The following EPHA1 variants were observed in gnomAD, a reference collection of about 807,000 sequenced individuals.
EPHA1 encodes ephrin type-A receptor 1.
In EPHA1, 92 loss-of-function variants were observed where a neutral mutation model predicts 110.1. That is an observed-to-expected ratio of 0.84 (90% CI 0.71 to 0.99). The LOEUF is 0.99. EPHA1 is among the 50% of genes least tolerant of loss of function. EPHA1 has a pLI of 0.00. For synonymous variants in EPHA1, 500 were observed against 516.1 expected, an observed-to-expected ratio of 0.97 and a Z score of 0.42; for missense variants, 1,204 against 1,285.4, an observed-to-expected ratio of 0.94 and a Z score of 0.97.
intron 2 of EPHA1, among the ~76,000 whole-genome samples, chr7:143,403,932 C>G (rs937641515): frequency 6.6e-6 from 1 of 152,268 alleles, no homozygotes; most frequent in South Asian, 2.1e-4. Context: ...ATTATAGACA[C>G]GAATCATTTC....
rs778674067 is a variant in EPHA1, at chr7:143,395,021, C to G, written c.2146-7G>C. 1.2e-6 allele frequency: 2 copies of G among 1,613,934 alleles called. No homozygotes were observed. Among genetic ancestry groups the G allele is most frequent in the Non-Finnish European group, 1.7e-6 (2 of 1,180,020 alleles). On this transcript the variant is annotated splice_region_variant and splice_polypyrimidine_tract_variant and intron_variant, in intron 13 of 17. Transcript: ENST00000275815. This position sits in a 1 kb window ranked among gnomAD's most constrained non-coding sequence, Gnocchi z 4.7. ...CCAGCTGGTCCTCCCGCTCCTGCAGCAGGGTGAGTGGGTGAGTCAGGGGAT... is the reference window on the plus strand; with the variant it reads ...CCAGCTGGTCCTCCCGCTCCTGCAGGAGGGTGAGTGGGTGAGTCAGGGGAT...
chr7:143,399,064 G>A, intron 5 of EPHA1, 119 bp from the exon 6 acceptor site: 1 of 1,233,310 alleles, frequency 8.1e-7, no homozygotes, highest in South Asian at 1.5e-5. Flanking sequence ...GGGGAGATTT[G>A]ATTTCTACTG....
chr7:143,391,894 CTG>C (rs1371264554), intron 16 of EPHA1, 119 bp from the exon 17 acceptor site: 4 of 1,495,078 alleles, frequency 2.7e-6, no homozygotes, highest in Non-Finnish European at 3.6e-6. Context: ...ATCATCTAGA[CTG>C]TGGATTGACC....
Position 143,393,945 on chromosome 7 carries a change from A to G in EPHA1, c.2503-81T>C. On this transcript the variant is annotated intron_variant, in intron 15 of 17. Coordinates refer to ENST00000275815, the MANE Select transcript of EPHA1 (RefSeq NM_005232.5). This position sits in a 1 kb window ranked among gnomAD's most constrained non-coding sequence, Gnocchi z 5.6. The stretch of plus-strand genomic sequence containing the variant: ...GAGAAACCGACGGTCACACAAGATA[A>G]TTGCAGTGGAGATCCTAGGATGGGA... 1.4e-6 allele frequency: 2 copies of G among 1,446,812 alleles called. No individual in the cohort carries two copies. Among genetic ancestry groups the G allele is most frequent in the Non-Finnish European group, 9.3e-7 (1 of 1,077,428 alleles). 89.6% of individuals were successfully genotyped at this position (1,446,812 alleles called of 1,614,324 possible). A position where few individuals can be genotyped will look rare whatever the true frequency, so the allele number is the denominator to read the frequency against.
In EPHA1 at chr7:143,397,288, G is replaced by T; in HGVS notation, c.1771+16C>A. On this transcript the variant is annotated intron_variant, in intron 10 of 17. Transcript: ENST00000275815. ...GCACACGCATGTGGGGACACACGCA[G>T]GTGCACCCGACTCACCTCGATCCAC... The T allele has an allele frequency of 6.5e-7, 1 of 1,546,730 alleles. No individual in the cohort carries two copies. Among genetic ancestry groups the T allele is most frequent in the East Asian group, 2.5e-5 (1 of 40,810 alleles).
chr7:143,396,774 C>T (rs1271048885), intron 10 of EPHA1: 1 of 410,334 alleles, frequency 2.4e-6, no homozygotes, highest in Non-Finnish European at 4.5e-6. Flanking sequence ...TATTTGCTGC[C>T]TGAGTTGCCC....
At position 143,408,853 on chromosome 7, in the gene EPHA1, T is replaced by G. The variant is rs2116647712; in HGVS notation, c.-48A>C. On this transcript the variant is annotated 5_prime_UTR_variant, in exon 1 of 18. Transcript: ENST00000275815. ...CAGTGGCCCGGATGGCAGCGCCAGG[T>G]TGCAAGGGACTAGGAGAGCCGGGCG... is the stretch of plus-strand genomic sequence containing the variant. The G allele has an allele frequency of 1.6e-5, 15 of 935,030 alleles. No homozygotes were observed. Among genetic ancestry groups the G allele is most frequent in the Non-Finnish European group, 1.7e-5 (14 of 811,986 alleles). The allele number at this position is 935,030 out of a possible 1,614,324, so 57.9% of individuals were successfully genotyped here.
chr7:143,398,379 C>A lies in EPHA1; in HGVS notation c.1406G>T (p.Gly469Val). Reference protein sequence around the residue: ...EPRQLELTWAGSRPRSPGANL... With the variant: ...EPRQLELTWAVSRPRSPGANL... ...CGCCCCAGGGCTTCGGGGCCGGGAC[C>A]CCGCCCAGGTCAGCTCTAGTTGCCT... Residue 469 changes from glycine to valine, a missense_variant, in exon 7 of 18, where the codon GGG (glycine) becomes GTG (valine). Transcript: ENST00000275815. 6.2e-7 allele frequency: 1 copy of A among 1,614,118 alleles called. No individual in the cohort carries two copies. The highest frequency in any genetic ancestry group is 8.5e-7 in the Non-Finnish European group (1 of 1,180,002).
At chr7:143,403,363 T>A (rs1805470178) in intron 2 of EPHA1, among the ~76,000 whole-genome samples, 1 of 151,566 alleles carries the variant, frequency 6.6e-6, no homozygotes, top group African/African-American at 2.4e-5. Context: ...AAAGCAAGAT[T>A]CCCTCTCAAA....
At chr7:143,398,276 G>A in intron 7 of EPHA1, 45 bp downstream of exon 7, 1 of 1,609,652 alleles carries the variant, frequency 6.2e-7, no homozygotes, top group Non-Finnish European at 8.5e-7. Context: ...GTTGGGGTGT[G>A]CCCGGGCATG....
At position 143,395,010 on chromosome 7, in the gene EPHA1, C is replaced by T. The variant is rs144535927; in HGVS notation, c.2150G>A (p.Arg717Gln). The T allele has an allele frequency of 2.9e-5, 47 of 1,614,066 alleles. No homozygotes were observed. The South Asian group carries it at 3.3e-4, about 11-fold the overall frequency. The change falls in exon 14 of 18, where the codon CGG (arginine) becomes CAG (glutamine). Residue 717 changes from arginine to glutamine, a missense_variant. Arg to Gln is a conservative substitution (Grantham distance 43). Transcript: ENST00000275815. This position sits in a 1 kb window ranked among gnomAD's most constrained non-coding sequence, Gnocchi z 4.7. ...NGALDAFLRE[R>Q]EDQLVPGQLV... ...CTGCCCAGGGACCAGCTGGTCCTCC[C>T]GCTCCTGCAGCAGGGTGAGTGGGTG...
In EPHA1 at chr7:143,395,700, T is replaced by C. The variant is rs1398584690; in HGVS notation, c.1898-196A>G. ...GGAGCTGGAGTGCAATGCCGTGACC[T>C]ATTCACCACTGTCTCCCAGTGTTTG... On this transcript the variant is annotated intron_variant, in intron 11 of 17. Coordinates refer to ENST00000275815, the MANE Select transcript of EPHA1 (RefSeq NM_005232.5). The surrounding 1 kb of genome is among the most constrained non-coding windows in gnomAD (Gnocchi z 4.7). The C allele has an allele frequency of 8.2e-6, 5 of 610,204 alleles. No homozygotes were observed. The highest frequency in any genetic ancestry group is 1.4e-5 in the Non-Finnish European group (5 of 349,066). 37.8% of individuals were successfully genotyped at this position (610,204 alleles called of 1,614,324 possible). A position where few individuals can be genotyped will look rare whatever the true frequency, so the allele number is the denominator to read the frequency against.
chr7:143,393,635 C>A lies in EPHA1; in HGVS notation c.2696+36G>T. On this transcript the variant is annotated intron_variant, in intron 16 of 17. Transcript: ENST00000275815. The surrounding 1 kb of genome is among the most constrained non-coding windows in gnomAD (Gnocchi z 5.6). ...GCCCATTTCCACTCTCCTAGCGCTG[C>A]CTCTGGGTTCCCTAGTCCTTCCCCT... is the stretch of plus-strand genomic sequence containing the variant. 6.2e-7 allele frequency: 1 copy of A among 1,605,238 alleles called. No homozygotes were observed. The highest frequency in any genetic ancestry group is 8.5e-7 in the Non-Finnish European group (1 of 1,175,686).
In EPHA1 at chr7:143,395,135, C is replaced by A; in HGVS notation, c.2131G>T (p.Asp711Tyr). The A allele has an allele frequency of 1.2e-6, 2 of 1,614,078 alleles. No individual in the cohort carries two copies. Among genetic ancestry groups the A allele is most frequent in the Non-Finnish European group, 1.7e-6 (2 of 1,180,046 alleles). Residue 711 changes from aspartate to tyrosine, a missense_variant, in exon 13 of 18, where the codon GAT (aspartate) becomes TAT (tyrosine). Coordinates refer to ENST00000275815, the MANE Select transcript of EPHA1 (RefSeq NM_005232.5). The surrounding 1 kb of genome is among the most constrained non-coding windows in gnomAD (Gnocchi z 4.7). ...ITEFMENGAL[D>Y]AFLREREDQL... ...GCCCTCCTCACCCTCAGGAAGGCAT[C>A]CAGGGCTCCATTCTCCATAAATTCT...
Position 143,395,299 on chromosome 7 carries a change from A to T in EPHA1, c.2083+20T>A. 9 of 1,614,016 alleles carry T rather than the reference A, an allele frequency of 5.6e-6. No homozygotes were observed. Among genetic ancestry groups the T allele is most frequent in the Non-Finnish European group, 7.6e-6 (9 of 1,179,972 alleles). ...TTCCTGCATTTCCCGCCCCCAGCTG[A>T]GGGAGACCACTCATCGTACGCTTTG... On this transcript the variant is annotated intron_variant, in intron 12 of 17. Transcript: ENST00000275815. This position sits in a 1 kb window ranked among gnomAD's most constrained non-coding sequence, Gnocchi z 4.7.
intron 11 of EPHA1, among the ~76,000 whole-genome samples, chr7:143,396,071 C>T (rs1805235833): frequency 6.6e-6 from 1 of 152,226 alleles, no homozygotes; most frequent in Non-Finnish European, 1.5e-5. Flanking sequence ...CACAGAACAT[C>T]TGGACCCTCA....
intron 10 of EPHA1, 163 bp from the exon 11 acceptor site, chr7:143,396,673 A>G (rs1029597340): frequency 5.7e-5 from 44 of 768,052 alleles, no homozygotes; most frequent in Non-Finnish European, 8.1e-5. Context: ...TTTAGCAACT[A>G]GGCCTTTCTT....
At chr7:143,405,498 G>C (rs1805525511) in intron 2 of EPHA1, among the ~76,000 whole-genome samples, 1 of 151,988 alleles carries the variant, frequency 6.6e-6, no homozygotes, top group African/African-American at 2.4e-5. Context: ...GGACAAGGTA[G>C]ATAGTGGGAG....
At chr7:143,400,152 G>A in intron 3 of EPHA1, 99 bp from the exon 4 acceptor site, 1 of 1,377,026 alleles carries the variant, frequency 7.3e-7, no homozygotes. Flanking sequence ...CCACAACCAT[G>A]AACACTGAGC....
Sources: gnomAD v4.1 joint callset for allele counts (sites outside exome capture counted in the v4.1 genomes callset) on GRCh38, gnomAD v4.1.1 for gene constraint, Gnocchi (gnomAD v3.1) non-coding constraint, MANE v1.5 for transcripts, NCBI Gene and HGNC (gene_info 2026-07-23, HGNC 2026-07-21) for gene names.